The following CEP112 variants were observed in gnomAD, a reference collection of about 807,000 sequenced individuals.
CEP112 encodes centrosomal protein of 112 kDa.
Under a neutral mutation model 153.0 loss-of-function variants are expected in CEP112, and 127 were observed. That is an observed-to-expected ratio of 0.83 (90% CI 0.72 to 0.96). The LOEUF (loss-of-function observed/expected upper bound fraction) is 0.96. CEP112 is among the 40% of genes least tolerant of loss of function. CEP112 has a pLI of 0.00. For synonymous variants in CEP112, 358 were observed against 374.4 expected (o/e 0.96, Z 0.51); for missense variants, 1,089 against 1,101.2 (o/e 0.99, Z 0.16).
chr17:66,069,869 TA>T (rs1568456985), intron 9 of CEP112, 45 bp downstream of exon 9: 5 of 1,070,522 alleles, frequency 4.7e-6, no homozygotes, highest in Middle Eastern at 4.1e-4. Flanking sequence ...AAACCTAGAA[TA>T]TTTTTAGTGT....
chr17:65,802,131 G>T (rs982968696), intron 21 of CEP112, among the ~76,000 whole-genome samples: 2 of 152,078 alleles, frequency 1.3e-5, no homozygotes, highest in African/African-American at 4.8e-5. Context: ...TTTCTGCTTG[G>T]CTAGTTAGTG....
intron 17 of CEP112, among the ~76,000 whole-genome samples, chr17:65,962,062 C>A (rs1313489436): frequency 6.6e-6 from 1 of 152,060 alleles, no homozygotes; most frequent in Non-Finnish European, 1.5e-5. Context: ...ATAGGTAAAT[C>A]CATGGAGACA....
At chr17:65,918,720 G>T (rs2060587862) in intron 19 of CEP112, among the ~76,000 whole-genome samples, 1 of 152,090 alleles carries the variant, frequency 6.6e-6, no homozygotes, top group South Asian at 2.1e-4. Flanking sequence ...GTTCCAATGG[G>T]TTATACAGGA....
intron 1 of CEP112, among the ~76,000 whole-genome samples, chr17:66,184,387 C>T (rs2072844806): frequency 6.6e-6 from 1 of 152,076 alleles, no homozygotes; most frequent in South Asian, 2.1e-4. Context: ...ACATCTCATA[C>T]GAGACTTGTA....
At chr17:66,029,744 G>A (rs1053339709) in intron 13 of CEP112, 125 bp downstream of exon 13, 2 of 597,484 alleles carry the variant, frequency 3.3e-6, no homozygotes, top group Non-Finnish European at 5.1e-6. Flanking sequence ...ACAAACAGCA[G>A]TATTTAGATT....
chr17:65,690,174 C>G (rs1485219722), intron 23 of CEP112, among the ~76,000 whole-genome samples: 2 of 148,592 alleles, frequency 1.3e-5, no homozygotes, highest in Admixed American at 1.3e-4. Context: ...TCTGTGATCT[C>G]AGCACTTTCA....
rs538525500 is a variant in CEP112 at position 65,970,788 on chromosome 17, A to G, written c.1737-9190T>C. ...GTTACATGTTACATGCATGCATAAAATGTATATTGCACATGTGTATGGCGC... is the reference window on the plus strand; with the variant it reads ...GTTACATGTTACATGCATGCATAAAGTGTATATTGCACATGTGTATGGCGC... On this transcript the variant is annotated intron_variant, in intron 17 of 26. Coordinates refer to ENST00000535342, the MANE Select transcript of CEP112 (RefSeq NM_001199165.4). 4.5e-3 allele frequency among the ~76,000 whole-genome samples: 202 copies of G among 44,776 alleles called. 1 individual carries two copies. The highest frequency in any genetic ancestry group is 0.01 in the African/African-American group (163 of 15,698). 29.4% of individuals were successfully genotyped at this position (44,776 alleles called of 152,430 possible).
At chr17:66,121,309 A>G (rs2069575602) in intron 6 of CEP112, among the ~76,000 whole-genome samples, 1 of 151,902 alleles carries the variant, frequency 6.6e-6, no homozygotes, top group Non-Finnish European at 1.5e-5. Flanking sequence ...TTTGTTTCTC[A>G]GCAATTTTAG....
intron 16 of CEP112, among the ~76,000 whole-genome samples, chr17:66,026,286 T>A (rs535181540): frequency 1.3e-5 from 2 of 152,264 alleles, no homozygotes; most frequent in South Asian, 2.1e-4. Flanking sequence ...ACAAAAATTT[T>A]AAAAATAAAT....
chr17:65,726,768 C>T (rs562924978), intron 23 of CEP112, among the ~76,000 whole-genome samples: 25 of 152,290 alleles, frequency 1.6e-4, no homozygotes, highest in Non-Finnish European at 2.9e-4. Context: ...ATCACTATTA[C>T]CCATCTGGAG....
intron 8 of CEP112, among the ~76,000 whole-genome samples, chr17:66,083,566 A>T (rs1225758511): frequency 6.6e-6 from 1 of 152,186 alleles, no homozygotes; most frequent in Non-Finnish European, 1.5e-5. Context: ...CTGACTAATG[A>T]GGTCAGGCGC....
intron 17 of CEP112, among the ~76,000 whole-genome samples, chr17:65,970,506 T>C (rs539352703): frequency 0.013 from 1,898 of 150,354 alleles, 292 homozygotes; most frequent in Non-Finnish European, 0.018. Flanking sequence ...ATGCATATTA[T>C]ATGCATGCAT....
intron 17 of CEP112, among the ~76,000 whole-genome samples, chr17:65,970,227 CATAT>C (rs79357938): frequency 2.3e-5 from 1 of 43,042 alleles, no homozygotes; most frequent in South Asian, 2.7e-3. Flanking sequence ...ATATACCATG[CATAT>C]ATGCATGTAT....
rs528511831 is a variant in CEP112 at position 66,189,975 on chromosome 17, T to C, written c.-9+2022A>G. Among the ~76,000 whole-genome samples the C allele has an allele frequency of 6.6e-5, 10 of 152,148 alleles. No homozygotes were observed. The South Asian group carries it at 2.1e-3, about 32-fold the overall frequency. On this transcript the variant is annotated intron_variant, in intron 1 of 26. Transcript: ENST00000535342. ...TGAGCCCAAGAGGTCAAGGCTGCAA[T>C]GAGCCAAGATCACACCACTGCACTC...
chr17:66,000,925 G>A lies in CEP112; in HGVS notation c.1736+4765C>T, dbSNP rs138516890. ...ATCTGGCATGGGCTGATCGTCCTGC[G>A]CTGTGATGCTGTGCTGGATTTTCTG... On this transcript the variant is annotated intron_variant, in intron 17 of 26. Transcript: ENST00000535342. Among the ~76,000 whole-genome samples the A allele has an allele frequency of 2.4e-3, 360 of 152,308 alleles. 1 individual carries two copies. Among genetic ancestry groups the A allele is most frequent in the African/African-American group, 7.1e-3 (297 of 41,566 alleles).
intron 21 of CEP112, among the ~76,000 whole-genome samples, chr17:65,760,159 T>C (rs2052527258): frequency 6.6e-6 from 1 of 152,210 alleles, no homozygotes; most frequent in South Asian, 2.1e-4. Context: ...CAAGAGTTTG[T>C]CGATTCTTTT....
chr17:65,818,273 C>CCTAA (rs1568061281), intron 21 of CEP112, among the ~76,000 whole-genome samples: 1 of 151,826 alleles, frequency 6.6e-6, no homozygotes, highest in African/African-American at 2.4e-5. Flanking sequence ...CAGCCCTTTA[C>CCTAA]CTAACTACCA....
intron 8 of CEP112, among the ~76,000 whole-genome samples, chr17:66,091,604 C>T (rs1033858387): frequency 2.6e-5 from 4 of 151,954 alleles, no homozygotes; most frequent in African/African-American, 9.7e-5. Context: ...CTCAAATAAA[C>T]AAGTTAATGT....
intron 24 of CEP112, among the ~76,000 whole-genome samples, chr17:65,670,762 G>C (rs946762681): frequency 6.6e-6 from 1 of 152,148 alleles, no homozygotes; most frequent in African/African-American, 2.4e-5. Context: ...TGAAAACTAA[G>C]TAGATACTAC....
Sources: allele counts gnomAD v4.1 joint callset (sites outside exome capture counted in the v4.1 genomes callset), GRCh38; gene constraint gnomAD v4.1.1; transcripts MANE v1.5; gene names NCBI Gene and HGNC (gene_info 2026-07-23, HGNC 2026-07-21).